GRM2: variants seen among roughly 807,000 people sequenced by gnomAD.
GRM2 encodes glutamate metabotropic receptor 2.
GRM2 carries 35 observed loss-of-function variants against 60.4 expected under a neutral mutation model. The ratio of observed to expected loss-of-function variants is 0.58; its 90% CI spans 0.44 to 0.77. The LOEUF (loss-of-function observed/expected upper bound fraction) is 0.77, where lower values mean the gene tolerates loss of function less well. Among genes scored for constraint, GRM2 ranks in the 30% least tolerant of loss-of-function variants. GRM2 has a pLI of 0.00. For missense variants in GRM2, 925 were observed against 1,199.5 expected, an observed-to-expected ratio of 0.77 and a Z score of 3.38; for synonymous variants, 437 against 484.1, an observed-to-expected ratio of 0.90 and a Z score of 1.28.
rs1703764819 is a variant in GRM2, at chr3:51,712,820, T to C, written c.798T>C (p.Ala266=). 1 of 1,612,950 alleles carries C rather than the reference T, an allele frequency of 6.2e-7. No homozygotes were observed. Among genetic ancestry groups the C allele is most frequent in the African/African-American group, 1.3e-5 (1 of 75,060 alleles). ...ALLQKPSARV[A]VLFTRSEDAR... ...TGCAGAAGCCCAGTGCCCGCGTGGC[T>C]GTCCTGTTCACCCGTTCTGAGGATG... Residue 266 remains alanine (A), a synonymous_variant, in exon 3 of 6, where the codon GCT becomes GCC. Coordinates refer to ENST00000395052, the MANE Select transcript of GRM2 (RefSeq NM_000839.5). This position sits in a 1 kb window ranked among gnomAD's most constrained non-coding sequence, Gnocchi z 5.3.
chr3:51,716,281 G>C lies in GRM2; in HGVS notation c.2364+144G>C, dbSNP rs982357879. 4 of 641,136 alleles carry C rather than the reference G, an allele frequency of 6.2e-6. No homozygotes were observed. The highest frequency in any genetic ancestry group is 1.1e-5 in the Non-Finnish European group (4 of 366,876). The allele number at this position is 641,136 out of a possible 1,614,324, so 39.7% of individuals were successfully genotyped here. On this transcript the variant is annotated intron_variant, in intron 4 of 5. Transcript: ENST00000395052. This position sits in a 1 kb window ranked among gnomAD's most constrained non-coding sequence, Gnocchi z 4.0. ...CCACAGCTTGTGTGGATCCCAAGGG[G>C]AAGGTGGGAGGGCTGAATAGGACCT...
chr3:51,715,775 G>A lies in GRM2; in HGVS notation c.2002G>A (p.Ala668Thr), dbSNP rs1310863744. The change falls in exon 4 of 6, where the codon GCC (alanine) becomes ACC (threonine). Residue 668 changes from alanine (A) to threonine (T), a missense_variant. Coordinates refer to ENST00000395052, the MANE Select transcript of GRM2 (RefSeq NM_000839.5). The surrounding 1 kb of genome is among the most constrained non-coding windows in gnomAD (Gnocchi z 9.0). ...CATCTTCGGTGGGGCCCGGGAGGGTGCCCAGCGGCCACGCTTCATCAGTCC... is the reference window on the plus strand; with the variant it reads ...CATCTTCGGTGGGGCCCGGGAGGGTACCCAGCGGCCACGCTTCATCAGTCC... Reference protein sequence around the residue: ...ARIFGGAREGAQRPRFISPAS... With the variant: ...ARIFGGAREGTQRPRFISPAS... 6.2e-7 allele frequency: 1 copy of A among 1,613,340 alleles called. No homozygotes were observed. Among genetic ancestry groups the A allele is most frequent in the Non-Finnish European group, 8.5e-7 (1 of 1,179,552 alleles).
rs775889130 is a variant in GRM2 at position 51,709,097 on chromosome 3, C to T, written c.114C>T (p.Phe38=). 1.2e-6 allele frequency: 2 copies of T among 1,610,696 alleles called. No individual in the cohort carries two copies. Among genetic ancestry groups the T allele is most frequent in the Non-Finnish European group, 1.7e-6 (2 of 1,177,818 alleles). Residue 38 remains phenylalanine, a synonymous_variant, in exon 2 of 6, where the codon TTC becomes TTT. Transcript: ENST00000395052. The part of the protein sequence containing the change: ...LEGDLVLGGL[F]PVHQKGGPAE... ...GAGACTTGGTGCTGGGTGGGCTGTT[C>T]CCAGTGCACCAGAAGGGCGGCCCAG...
chr3:51,714,318 C>T (rs1703822519), intron 3 of GRM2: 1 of 175,152 alleles, frequency 5.7e-6, no homozygotes, highest in Admixed American at 6.2e-5. Flanking sequence ...CTTGAGGGGA[C>T]CTGGGTTTGA....
rs549414137 is a variant in GRM2, at chr3:51,717,322, C to T, written c.2365-315C>T. ...TCACCACCCCACATACATGCACTTA[C>T]ACAGATATACACACACACCTACATG... On this transcript the variant is annotated intron_variant, in intron 4 of 5. Transcript: ENST00000395052. The surrounding 1 kb of genome is among the most constrained non-coding windows in gnomAD (Gnocchi z 6.0). Among the ~76,000 whole-genome samples, 5 of 152,176 alleles carry T rather than the reference C, an allele frequency of 3.3e-5. No individual in the cohort carries two copies. Among genetic ancestry groups the T allele is most frequent in the African/African-American group, 9.7e-5 (4 of 41,422 alleles).
In GRM2 at chr3:51,715,750, C is replaced by T. The variant is rs757875923; in HGVS notation, c.1977C>T (p.Arg659=). The T allele has an allele frequency of 6.2e-7, 1 of 1,613,952 alleles. No homozygotes were observed. Among genetic ancestry groups the T allele is most frequent in the African/African-American group, 1.3e-5 (1 of 75,080 alleles). ...TCACCAAGACCAACCGCATTGCACG[C>T]ATCTTCGGTGGGGCCCGGGAGGGTG... ...ALLTKTNRIA[R]IFGGAREGAQ... is the part of the protein sequence containing the mutation. Residue 659 remains arginine, a synonymous_variant, in exon 4 of 6, where the codon CGC becomes CGT. Coordinates refer to ENST00000395052, the MANE Select transcript of GRM2 (RefSeq NM_000839.5). This position sits in a 1 kb window ranked among gnomAD's most constrained non-coding sequence, Gnocchi z 9.0.
Position 51,709,050 on chromosome 3 carries a change from A to C in GRM2, c.67A>C (p.Lys23Gln), listed in dbSNP as rs1703598595. The change falls in exon 2 of 6, where the codon AAG (lysine) becomes CAG (glutamine). Residue 23 changes from lysine to glutamine, a missense_variant. By Grantham distance (53) the Lys-to-Gln change is moderately conservative (BLOSUM62 1). Transcript: ENST00000395052. ...LWGAVAEGPAKKVLTLEGDLV... is the reference protein window; with the variant it reads ...LWGAVAEGPAQKVLTLEGDLV... The stretch of plus-strand genomic sequence containing the variant: ...GGGTGCTGTGGCTGAGGGCCCAGCC[A>C]AGAAGGTGCTGACCCTGGAGGGAGA... 6.2e-7 allele frequency: 1 copy of C among 1,603,866 alleles called. No individual in the cohort carries two copies. The highest frequency in any genetic ancestry group is 8.5e-7 in the Non-Finnish European group (1 of 1,172,120).
chr3:51,714,822 G>T (rs1703838516), intron 3 of GRM2: 1 of 414,426 alleles, frequency 2.4e-6, no homozygotes, highest in Non-Finnish European at 4.3e-6. Flanking sequence ...TTAAGGCTGG[G>T]ATTACATTTG....
At position 51,716,516 on chromosome 3, in the gene GRM2, G is replaced by T. The variant is rs781700087; in HGVS notation, c.2364+379G>T. 6.6e-5 allele frequency among the ~76,000 whole-genome samples: 10 copies of T among 152,180 alleles called. No individual in the cohort carries two copies. Among genetic ancestry groups the T allele is most frequent in the Non-Finnish European group, 1.3e-4 (9 of 68,028 alleles). On this transcript the variant is annotated intron_variant, in intron 4 of 5. Transcript: ENST00000395052. This position sits in a 1 kb window ranked among gnomAD's most constrained non-coding sequence, Gnocchi z 4.0. ...GGAAAGATGAAGCAAGGTGGGTAGGGGAGGAGATCCAGGGTATAGAGTTGA... is the reference window on the plus strand; with the variant it reads ...GGAAAGATGAAGCAAGGTGGGTAGGTGAGGAGATCCAGGGTATAGAGTTGA...
In GRM2 at chr3:51,708,938, C is replaced by T; in HGVS notation, c.-46C>T. Reference sequence around the variant, plus strand: ...TGCCTTCGCTGCTTCTAATCTCATCCCCTGGAGACCCAGGTCTGCGGGACC... The same window carrying T: ...TGCCTTCGCTGCTTCTAATCTCATCTCCTGGAGACCCAGGTCTGCGGGACC... On this transcript the variant is annotated 5_prime_UTR_variant, in exon 2 of 6. Coordinates refer to ENST00000395052, the MANE Select transcript of GRM2 (RefSeq NM_000839.5). The T allele has an allele frequency of 7.0e-7, 1 of 1,418,834 alleles. No individual in the cohort carries two copies. Among genetic ancestry groups the T allele is most frequent in the Non-Finnish European group, 9.5e-7 (1 of 1,053,058 alleles). 87.9% of individuals were successfully genotyped at this position (1,418,834 alleles called of 1,614,324 possible).
rs747318511 is a variant in GRM2 at position 51,712,663 on chromosome 3, G to A, written c.641G>A (p.Gly214Asp). The change falls in exon 3 of 6, where the codon GGC becomes GAC. Residue 214 changes from glycine to aspartate, a missense_variant. By Grantham distance (94) the Gly-to-Asp change is moderately conservative. Coordinates refer to ENST00000395052, the MANE Select transcript of GRM2 (RefSeq NM_000839.5). This position sits in a 1 kb window ranked among gnomAD's most constrained non-coding sequence, Gnocchi z 5.3. Reference sequence around the variant, plus strand: ...TATGTGTCCACTGTGGCGTCTGAGGGCGACTATGGCGAGACAGGCATTGAG... The same window carrying A: ...TATGTGTCCACTGTGGCGTCTGAGGACGACTATGGCGAGACAGGCATTGAG... The part of the protein sequence containing the change: ...WTYVSTVASE[G>D]DYGETGIEAF... 4.3e-6 allele frequency: 7 copies of A among 1,614,090 alleles called. No individual in the cohort carries two copies. The highest frequency in any genetic ancestry group is 1.7e-6 in the Non-Finnish European group (2 of 1,180,038).
chr3:51,709,914 ACTGCATGAC>A (rs1703653658), intron 2 of GRM2, among the ~76,000 whole-genome samples: 3 of 142,288 alleles, frequency 2.1e-5, no homozygotes, highest in African/African-American at 7.9e-5. Context: ...CCACTTACTA[ACTGCATGAC>A]CATGGCACGT....
chr3:51,715,542 T>A lies in GRM2; in HGVS notation c.1769T>A (p.Val590Glu). ...LATLFVLGVF[V>E]RHNATPVVKA... is the part of the protein sequence containing the mutation. ...ACCCTCTTTGTGCTGGGTGTCTTTG[T>A]GCGGCACAATGCCACACCAGTGGTC... Residue 590 changes from valine to glutamate, a missense_variant, in exon 4 of 6, where the codon GTG becomes GAG. Coordinates refer to ENST00000395052, the MANE Select transcript of GRM2 (RefSeq NM_000839.5). The surrounding 1 kb of genome is among the most constrained non-coding windows in gnomAD (Gnocchi z 9.0). The A allele has an allele frequency of 6.2e-7, 1 of 1,613,852 alleles. No individual in the cohort carries two copies. Among genetic ancestry groups the A allele is most frequent in the Non-Finnish European group, 8.5e-7 (1 of 1,180,038 alleles).
chr3:51,709,284 C>A lies in GRM2; in HGVS notation c.301C>A (p.Gln101Lys), dbSNP rs1214262858. 1.2e-6 allele frequency: 2 copies of A among 1,604,522 alleles called. No individual in the cohort carries two copies. The highest frequency in any genetic ancestry group is 1.7e-6 in the Non-Finnish European group (2 of 1,173,332). ...SCSKDTHALE[Q>K]ALDFVRASLS... ...CTCCAAGGACACACATGCGCTGGAG[C>A]AGGCACTGGACTTTGTGCGTGCCTC... Residue 101 changes from glutamine to lysine, a missense_variant, in exon 2 of 6, where the codon CAG becomes AAG. Physicochemically the swap from Gln to Lys is moderately conservative, Grantham distance 53. Transcript: ENST00000395052.
In GRM2 at chr3:51,708,858, C is replaced by T. The variant is rs1241391290; in HGVS notation, c.-126C>T. On this transcript the variant is annotated 5_prime_UTR_variant, in exon 2 of 6. Transcript: ENST00000395052. ...TCTATCTCTCTGCAGGAGCTGGGTCCCTTCGCATCTCTCTTCTTGTCTGTC... is the reference window on the plus strand; with the variant it reads ...TCTATCTCTCTGCAGGAGCTGGGTCTCTTCGCATCTCTCTTCTTGTCTGTC... 4.4e-6 allele frequency: 3 copies of T among 681,384 alleles called. No individual in the cohort carries two copies. The African/African-American group carries it at 5.4e-5, about 12-fold the overall frequency. The allele number at this position is 681,384 out of a possible 1,614,324, so 42.2% of individuals were successfully genotyped here.
chr3:51,713,025 G>C lies in GRM2; in HGVS notation c.1003G>C (p.Asp335His). Residue 335 changes from aspartate to histidine, a missense_variant, in exon 3 of 6, where the codon GAC becomes CAC. Physicochemically the swap from Asp to His is moderately conservative, Grantham distance 81 (BLOSUM62 -1). Coordinates refer to ENST00000395052, the MANE Select transcript of GRM2 (RefSeq NM_000839.5). The surrounding 1 kb of genome is among the most constrained non-coding windows in gnomAD (Gnocchi z 4.8). ...CTTTGCCTCCTACTTCCAGAGCCTG[G>C]ACCCTTGGAACAACAGCCGGAACCC... Reference protein sequence around the residue: ...SDFASYFQSLDPWNNSRNPWF... With the variant: ...SDFASYFQSLHPWNNSRNPWF... The C allele has an allele frequency of 6.2e-7, 1 of 1,613,332 alleles. No individual in the cohort carries two copies. The highest frequency in any genetic ancestry group is 1.7e-5 in the Admixed American group (1 of 60,032).
At chr3:51,711,602 C>T (rs1331015295) in intron 2 of GRM2, 1 of 152,394 alleles carries the variant, frequency 6.6e-6, no homozygotes, top group African/African-American at 2.4e-5. Flanking sequence ...CTATCATCTT[C>T]CCTTTGCCAG....
rs774929914 is a variant in GRM2, at chr3:51,716,097, C to T, written c.2324C>T (p.Ala775Val). ...TACACCACCTGCATCATCTGGCTGGCATTCCTGCCCATCTTCTATGTCACC... is the reference window on the plus strand; with the variant it reads ...TACACCACCTGCATCATCTGGCTGGTATTCCTGCCCATCTTCTATGTCACC... ...TMYTTCIIWL[A>V]FLPIFYVTSS... is the part of the protein sequence containing the mutation. Residue 775 changes from alanine to valine, a missense_variant, in exon 4 of 6, where the codon GCA (alanine) becomes GTA (valine). Physicochemically the swap from Ala to Val is moderately conservative, Grantham distance 64 (BLOSUM62 0). Transcript: ENST00000395052. The surrounding 1 kb of genome is among the most constrained non-coding windows in gnomAD (Gnocchi z 4.0). 1 of 1,613,994 alleles carries T rather than the reference C, an allele frequency of 6.2e-7. No homozygotes were observed. Among genetic ancestry groups the T allele is most frequent in the South Asian group, 1.1e-5 (1 of 91,084 alleles).
intron 2 of GRM2, among the ~76,000 whole-genome samples, chr3:51,709,862 C>T (rs1467969354): frequency 8.5e-6 from 1 of 117,590 alleles, no homozygotes; most frequent in Non-Finnish European, 1.9e-5. Flanking sequence ...CACACACCCT[C>T]ACCCTTGATG....
Sources: allele counts gnomAD v4.1 joint callset (sites outside exome capture counted in the v4.1 genomes callset), GRCh38; gene constraint gnomAD v4.1.1; non-coding constraint Gnocchi (gnomAD v3.1); transcripts MANE v1.5; gene names NCBI Gene and HGNC (gene_info 2026-07-23, HGNC 2026-07-21).